Variants in CELF2 observed in about 807,000 individuals in gnomAD.
CELF2 encodes the protein CUGBP Elav-like family member 2.
Under a neutral mutation model 62.6 loss-of-function variants are expected in CELF2, and 8 were observed. The observed-to-expected ratio is 0.13, with a 90% CI of 0.07 to 0.23. The LOEUF (loss-of-function observed/expected upper bound fraction) is 0.23. Among genes scored for constraint, CELF2 ranks in the 10% least tolerant of loss-of-function variants. The pLI is 1.00. For synonymous variants in CELF2, 258 were observed against 250.0 expected, an observed-to-expected ratio of 1.03 and a Z score of -0.30; for missense variants, 333 against 671.0, an observed-to-expected ratio of 0.50 and a Z score of 5.56.
At chr10:10,867,971 C>T (rs747742763) in intron 1 of CELF2, among the ~76,000 whole-genome samples, 22 of 152,178 alleles carry the variant, frequency 1.4e-4, no homozygotes, top group Non-Finnish European at 4.4e-5. Flanking sequence ...GATATTGTGT[C>T]CAGATTCTCA....
In CELF2 at chr10:11,331,818, C is replaced by CTAAGGTGAGAAAGTTT. The variant is rs959984940; in HGVS notation, c.*2767_*2782dup. The CTAAGGTGAGAAAGTTT allele has an allele frequency of 3.9e-5, 6 of 152,618 alleles. No homozygotes were observed. Among genetic ancestry groups the CTAAGGTGAGAAAGTTT allele is most frequent in the African/African-American group, 1.4e-4 (6 of 41,438 alleles). The allele number at this position is 152,618 out of a possible 1,614,324, so 9.5% of individuals were successfully genotyped here. On this transcript the variant is annotated 3_prime_UTR_variant, in exon 13 of 13. Coordinates refer to ENST00000633077, the MANE Select transcript of CELF2 (RefSeq NM_001326342.2). ...TTTTCTTCATAATCTATGGAAACCT[C>CTAAGGTGAGAAAGTTT]TAAGGTGAGAAAGTTTTGAACTTTT...
the CELF2 span, among the ~76,000 whole-genome samples, chr10:10,584,530 G>A: frequency 0.27 from 41,117 of 151,866 alleles, 5,681 homozygotes; most frequent in South Asian, 0.41. Flanking sequence ...TATTAAGCTG[G>A]TTACAGTTCA....
At chr10:10,729,086 A>G in the CELF2 span, among the ~76,000 whole-genome samples, 3 of 152,222 alleles carry the variant, frequency 2.0e-5, no homozygotes, top group Admixed American at 2.0e-4. Flanking sequence ...AATATCAATG[A>G]CAGATGTAGT....
At chr10:11,051,965 G>A (rs896144972) in intron 1 of CELF2, among the ~76,000 whole-genome samples, 6 of 146,150 alleles carry the variant, frequency 4.1e-5, no homozygotes, top group Non-Finnish European at 6.0e-5. Context: ...GTGGAGCAAT[G>A]TTGGCTCACT....
chr10:10,671,747 T>C, the CELF2 span, among the ~76,000 whole-genome samples: 20 of 152,032 alleles, frequency 1.3e-4, no homozygotes, highest in Non-Finnish European at 2.8e-4. Flanking sequence ...TTTTTTTAAT[T>C]GACACAGAGT....
chr10:10,892,092 A>G (rs1025362435), intron 1 of CELF2, among the ~76,000 whole-genome samples: 9 of 152,228 alleles, frequency 5.9e-5, no homozygotes, highest in African/African-American at 1.7e-4. Context: ...TTAGAGCCCA[A>G]ATAAATAGAA....
At chr10:10,855,219 T>C (rs1396140995) in intron 1 of CELF2, among the ~76,000 whole-genome samples, 1 of 152,170 alleles carries the variant, frequency 6.6e-6, no homozygotes, top group African/African-American at 2.4e-5. Context: ...AAGATGTCCA[T>C]CTGGCACCTC....
chr10:10,518,687 A>G, the CELF2 span, among the ~76,000 whole-genome samples: 1 of 151,870 alleles, frequency 6.6e-6, no homozygotes, highest in Non-Finnish European at 1.5e-5. Context: ...AATGGTGGAC[A>G]TCAGAGTAGA....
intron 2 of CELF2, among the ~76,000 whole-genome samples, chr10:10,925,638 G>A (rs2065390033): frequency 6.6e-6 from 1 of 152,154 alleles, no homozygotes; most frequent in South Asian, 2.1e-4. Flanking sequence ...CTGATCAGAG[G>A]CAGTAAGGAC....
rs759653483 is a variant in CELF2, at chr10:10,931,849, A to G, written c.89+11850A>G. 4.7e-4 allele frequency among the ~76,000 whole-genome samples: 71 copies of G among 152,212 alleles called. No homozygotes were observed. The highest frequency in any genetic ancestry group is 4.3e-4 in the Non-Finnish European group (29 of 68,038). On this transcript the variant is annotated intron_variant, in intron 2 of 13. Coordinates refer to the CELF2 transcript ENST00000636488. The surrounding 1 kb of genome is among the most constrained non-coding windows in gnomAD (Gnocchi z 6.1). ...AATGGACTCACAGTTCCACATGGCT[A>G]GGGAGGCCTCACAACCATGGCAGAA...
the CELF2 span, among the ~76,000 whole-genome samples, chr10:10,654,135 C>T: frequency 1.4e-5 from 2 of 143,622 alleles, no homozygotes; most frequent in South Asian, 2.7e-4. Context: ...GGATACATTC[C>T]TTGACACATA....
Position 11,255,897 on chromosome 10 carries a change from C to G in CELF2, c.404-1841C>G, listed in dbSNP as rs991602913. ...GTCTTCTAATCACCGCCATTGCTCT[C>G]CCCTTCAAGCCTTCTCTCCTCCTCT... is the stretch of plus-strand genomic sequence containing the variant. On this transcript the variant is annotated intron_variant, in intron 4 of 12. Transcript: ENST00000633077. The surrounding 1 kb of genome is among the most constrained non-coding windows in gnomAD (Gnocchi z 5.5). 1.3e-5 allele frequency among the ~76,000 whole-genome samples: 2 copies of G among 152,204 alleles called. No individual in the cohort carries two copies. Among genetic ancestry groups the G allele is most frequent in the Admixed American group, 1.3e-4 (2 of 15,284 alleles).
chr10:10,982,058 C>T (rs186153825), intron 2 of CELF2, among the ~76,000 whole-genome samples: 140 of 149,984 alleles, frequency 9.3e-4, no homozygotes, highest in African/African-American at 3.1e-3. Context: ...CAAGTTCAAG[C>T]GATTCTCCTG....
chr10:11,167,056 C>A (rs1052562853), intron 2 of CELF2, among the ~76,000 whole-genome samples: 2 of 152,202 alleles, frequency 1.3e-5, no homozygotes, highest in African/African-American at 2.4e-5. Context: ...GTTGTCACCA[C>A]AAACTTGATT....
chr10:10,736,366 T>C, the CELF2 span, among the ~76,000 whole-genome samples: 11 of 90,138 alleles, frequency 1.2e-4, no homozygotes, highest in African/African-American at 5.7e-4. Flanking sequence ...TATTCTTTCT[T>C]TCTTTCTTTC....
the CELF2 span, among the ~76,000 whole-genome samples, chr10:10,782,693 T>G: frequency 6.6e-6 from 1 of 152,214 alleles, no homozygotes; most frequent in Non-Finnish European, 1.5e-5. Context: ...CCTCAGCATC[T>G]CATCCTGAAT....
intron 4 of CELF2, 95 bp downstream of exon 4, chr10:11,249,296 T>C: frequency 1.0e-6 from 1 of 997,692 alleles, no homozygotes; most frequent in Middle Eastern, 2.1e-4. Flanking sequence ...CAGCTGCTTT[T>C]CTCTCTAGAG....
intron 1 of CELF2, among the ~76,000 whole-genome samples, chr10:11,023,298 T>C (rs917250337): frequency 2.6e-5 from 4 of 152,226 alleles, no homozygotes; most frequent in African/African-American, 9.6e-5. Flanking sequence ...GAAGCCAGTA[T>C]CAGTGGTGTG....
intron 1 of CELF2, among the ~76,000 whole-genome samples, chr10:10,889,064 CT>C (rs1409294380): frequency 6.6e-6 from 1 of 152,202 alleles, no homozygotes; most frequent in Admixed American, 6.5e-5. Flanking sequence ...TATTTCTTCT[CT>C]TGTCAGAAAT....
Sources: allele counts gnomAD v4.1 joint callset (sites outside exome capture counted in the v4.1 genomes callset), GRCh38; gene constraint gnomAD v4.1.1; non-coding constraint Gnocchi (gnomAD v3.1); transcripts MANE v1.5; gene names NCBI Gene and HGNC (gene_info 2026-07-23, HGNC 2026-07-21).